Variants in AGAP1 observed in about 807,000 individuals in gnomAD.
AGAP1 encodes the protein ArfGAP with GTPase domain, ankyrin repeat and PH domain 1, also known as arf-GAP with GTPase, ANK repeat and PH domain-containing protein 1.
AGAP1 carries 29 observed loss-of-function variants against 105.3 expected under a neutral mutation model. The observed-to-expected ratio is 0.28, with a 90% confidence interval of 0.21 to 0.38. AGAP1 has a LOEUF of 0.38. AGAP1 is among the 10% of genes least tolerant of loss of function. The pLI, the probability that AGAP1 is intolerant of heterozygous loss-of-function variation, is 1.00. For synonymous variants in AGAP1, 509 were observed against 485.9 expected (o/e 1.05, Z -0.63); for missense variants, 998 against 1,165.1 (o/e 0.86, Z 2.09).
intron 10 of AGAP1, among the ~76,000 whole-genome samples, chr2:235,903,104 T>C (rs1383755198): frequency 6.6e-6 from 1 of 152,174 alleles, no homozygotes; most frequent in African/African-American, 2.4e-5. Flanking sequence ...TATTGATTTG[T>C]CTGAAAAGTG....
intron 1 of AGAP1, among the ~76,000 whole-genome samples, chr2:235,707,976 G>A (rs554106531): frequency 6.6e-6 from 1 of 152,218 alleles, no homozygotes; most frequent in Non-Finnish European, 1.5e-5. Flanking sequence ...CGTGTGACCT[G>A]GTGGGTTGTG....
At chr2:235,781,142 C>T (rs528011512) in intron 6 of AGAP1, among the ~76,000 whole-genome samples, 126 of 152,300 alleles carry the variant, frequency 8.3e-4, no homozygotes, top group Non-Finnish European at 1.8e-4. Context: ...AGACCTTTCC[C>T]TACCTGTCAT....
Position 236,130,698 on chromosome 2 carries a change from A to G in AGAP1, c.*6576A>G, listed in dbSNP as rs2060071190. 6.6e-6 allele frequency: 1 copy of G among 152,376 alleles called. No individual in the cohort carries two copies. Among genetic ancestry groups the G allele is most frequent in the South Asian group, 2.1e-4 (1 of 4,836 alleles). 9.4% of individuals were successfully genotyped at this position (152,376 alleles called of 1,614,324 possible). On this transcript the variant is annotated 3_prime_UTR_variant, in exon 18 of 18. Coordinates refer to ENST00000304032, the MANE Select transcript of AGAP1 (RefSeq NM_001037131.3). The surrounding 1 kb of genome is among the most constrained non-coding windows in gnomAD (Gnocchi z 5.8). ...GAATCCTAATGGGCCTCATGCAGAC[A>G]CTGGAAGCAGCCCAGCCCCCTGCCC...
At position 235,742,800 on chromosome 2, in the gene AGAP1, A is replaced by G. The variant is rs1257338523; in HGVS notation, c.396+1752A>G. On this transcript the variant is annotated intron_variant, in intron 4 of 17. Transcript: ENST00000304032. Reference sequence around the variant, plus strand: ...ATAAATGTTTTGAGTGACTGGAAACAAGCTTTTTTCTCCACAACTGAAGAG... The same window carrying G: ...ATAAATGTTTTGAGTGACTGGAAACGAGCTTTTTTCTCCACAACTGAAGAG... Among the ~76,000 whole-genome samples the G allele has an allele frequency of 3.3e-5, 5 of 152,242 alleles. No individual in the cohort carries two copies. The East Asian group carries it at 7.7e-4, about 23-fold the overall frequency.
intron 12 of AGAP1, among the ~76,000 whole-genome samples, chr2:235,954,492 C>T (rs1050084720): frequency 2.0e-5 from 3 of 150,686 alleles, no homozygotes; most frequent in East Asian, 1.9e-4. Context: ...CTCTAACTTT[C>T]TCCTTACAAT....
intron 11 of AGAP1, among the ~76,000 whole-genome samples, chr2:235,923,674 C>T (rs1383891389): frequency 6.6e-6 from 1 of 152,180 alleles, no homozygotes; most frequent in Non-Finnish European, 1.5e-5. Context: ...TGGCCCGTGT[C>T]AGTAGTTCCT....
chr2:235,717,069 C>G (rs1413939657), intron 2 of AGAP1, among the ~76,000 whole-genome samples: 1 of 152,152 alleles, frequency 6.6e-6, no homozygotes, highest in East Asian at 1.9e-4. Context: ...TCTCCCCACA[C>G]TGCCCTTTTC....
rs1943951478 is a variant in AGAP1 at position 235,555,711 on chromosome 2, C to T, written c.163+60862C>T. Among the ~76,000 whole-genome samples the T allele has an allele frequency of 6.6e-6, 1 of 152,152 alleles. No individual in the cohort carries two copies. On this transcript the variant is annotated intron_variant, in intron 1 of 17. Transcript: ENST00000304032. The surrounding 1 kb of genome is among the most constrained non-coding windows in gnomAD (Gnocchi z 5.1). ...ACTTCTGCTTTGGCCTTGTCAGTCT[C>T]CTTCTGTGATTCAGACCGTAGTGAA...
chr2:236,072,394 A>G (rs1302699329), intron 16 of AGAP1: 1 of 152,254 alleles, frequency 6.6e-6, no homozygotes, highest in Non-Finnish European at 1.5e-5. Context: ...TGAGTGAGCC[A>G]AGATCGCACC....
At chr2:235,770,785 T>G (rs996570456) in intron 6 of AGAP1, among the ~76,000 whole-genome samples, 1 of 152,138 alleles carries the variant, frequency 6.6e-6, no homozygotes, top group African/African-American at 2.4e-5. Flanking sequence ...ATTCCAATGC[T>G]TCAGGAATGT....
Position 235,557,678 on chromosome 2 carries a change from G to C in AGAP1, c.163+62829G>C, listed in dbSNP as rs1361359175. Among the ~76,000 whole-genome samples the C allele has an allele frequency of 6.6e-6, 1 of 152,120 alleles. No individual in the cohort carries two copies. The highest frequency in any genetic ancestry group is 1.9e-4 in the East Asian group (1 of 5,184). ...TGGATAAGGAAACTGAGGCACAGAG[G>C]GTCGAGGAACTTGCTGTGGTACACC... On this transcript the variant is annotated intron_variant, in intron 1 of 17. Transcript: ENST00000304032. This position sits in a 1 kb window ranked among gnomAD's most constrained non-coding sequence, Gnocchi z 4.7.
intron 11 of AGAP1, among the ~76,000 whole-genome samples, chr2:235,911,204 G>C (rs2051593395): frequency 6.6e-6 from 1 of 152,156 alleles, no homozygotes; most frequent in African/African-American, 2.4e-5. Flanking sequence ...CATGCCATTT[G>C]TGGAGTTTCT....
At chr2:236,074,665 T>G (rs2058590616) in intron 16 of AGAP1, among the ~76,000 whole-genome samples, 1 of 152,228 alleles carries the variant, frequency 6.6e-6, no homozygotes, top group African/African-American at 2.4e-5. Context: ...AAAAATTTCT[T>G]CAGTGCAAAG....
At chr2:235,718,284 A>G (rs1951219094) in intron 3 of AGAP1, 3 of 795,726 alleles carry the variant, frequency 3.8e-6, no homozygotes, top group Non-Finnish European at 4.6e-6. Flanking sequence ...AGTTTTCTAA[A>G]TGAAATTTTC....
chr2:236,117,271 A>G (rs150597721), intron 16 of AGAP1, among the ~76,000 whole-genome samples: 31 of 152,294 alleles, frequency 2.0e-4, no homozygotes, highest in African/African-American at 6.7e-4. Flanking sequence ...TACCGTTTTT[A>G]GATTTTTTGA....
chr2:235,694,924 T>A (rs183027192), intron 1 of AGAP1, among the ~76,000 whole-genome samples: 1 of 151,914 alleles, frequency 6.6e-6, no homozygotes, highest in African/African-American at 2.4e-5. Context: ...TTCACCTGGT[T>A]TAACCCAAAG....
Position 235,521,737 on chromosome 2 carries a change from TATATATGTG to T in AGAP1, c.163+26889_163+26897del, listed in dbSNP as rs1559220667. Among the ~76,000 whole-genome samples the T allele has an allele frequency of 1.7e-3, 226 of 129,968 alleles. 2 individuals carry two copies. The highest frequency in any genetic ancestry group is 7.4e-3 in the African/African-American group (220 of 29,778). 85.3% of individuals were successfully genotyped at this position (129,968 alleles called of 152,430 possible). The stretch of plus-strand genomic sequence containing the variant: ...TCCAGTTTCTTGTTTTTGTTTGTTA[TATATATGTG>T]TGTGTGTGTGTGTGTGTGTGTGTGT... On this transcript the variant is annotated intron_variant, in intron 1 of 17. Transcript: ENST00000304032.
rs576737947 is a variant in AGAP1 at position 235,855,566 on chromosome 2, T to C, written c.1051-27779T>C. Among the ~76,000 whole-genome samples the C allele has an allele frequency of 6.6e-6, 1 of 152,242 alleles. No homozygotes were observed. The highest frequency in any genetic ancestry group is 1.5e-5 in the Non-Finnish European group (1 of 68,044). Reference sequence around the variant, plus strand: ...AATCGAGCAATTTCTGCTTTAAATATAGGGTATCATTCTTTCCTTTAGATT... The same window carrying C: ...AATCGAGCAATTTCTGCTTTAAATACAGGGTATCATTCTTTCCTTTAGATT... On this transcript the variant is annotated intron_variant, in intron 9 of 17. Coordinates refer to ENST00000304032, the MANE Select transcript of AGAP1 (RefSeq NM_001037131.3). This position sits in a 1 kb window ranked among gnomAD's most constrained non-coding sequence, Gnocchi z 5.0.
rs1951306730 is a variant in AGAP1, at chr2:235,720,113, G to A, written c.310+2469G>A. ...GTTGTAATGTCACTTGTAATGAAGG[G>A]AGCCATACTTGTTGTTTGGGAAAGA... On this transcript the variant is annotated intron_variant, in intron 3 of 17. Transcript: ENST00000304032. The surrounding 1 kb of genome is among the most constrained non-coding windows in gnomAD (Gnocchi z 5.0). Among the ~76,000 whole-genome samples, 1 of 152,184 alleles carries A rather than the reference G, an allele frequency of 6.6e-6. No homozygotes were observed. Among genetic ancestry groups the A allele is most frequent in the African/African-American group, 2.4e-5 (1 of 41,438 alleles).
Sources: gnomAD v4.1 joint callset for allele counts (sites outside exome capture counted in the v4.1 genomes callset) on GRCh38, gnomAD v4.1.1 for gene constraint, Gnocchi (gnomAD v3.1) non-coding constraint, MANE v1.5 for transcripts, NCBI Gene and HGNC (gene_info 2026-07-23, HGNC 2026-07-21) for gene names.